Variants in CDH12 observed in about 807,000 individuals in gnomAD.
CDH12 encodes cadherin 12.
A neutral mutation model predicts 74.1 loss-of-function variants in CDH12; 41 were observed. The observed-to-expected ratio is 0.55, with a 90% CI of 0.43 to 0.72. The LOEUF is 0.72. CDH12 is among the 30% of genes least tolerant of loss of function. The pLI is 0.00. For missense variants in CDH12, 945 were observed against 977.2 expected (o/e 0.97, Z 0.44); for synonymous variants, 399 against 355.0 (o/e 1.12, Z -1.39).
intron 5 of CDH12, among the ~76,000 whole-genome samples, chr5:22,029,897 A>C (rs1292110124): frequency 6.6e-6 from 1 of 151,920 alleles, no homozygotes; most frequent in Non-Finnish European, 1.5e-5. Flanking sequence ...GATTAAGAAA[A>C]TGTGGCACAT....
intron 6 of CDH12, chr5:21,883,766 A>G (rs1306342254): frequency 1.1e-5 from 17 of 1,572,196 alleles, no homozygotes; most frequent in Non-Finnish European, 1.3e-5. Context: ...AACTGAATGA[A>G]TGGCTGGCAA....
At chr5:21,960,300 G>A (rs1429081325) in intron 6 of CDH12, among the ~76,000 whole-genome samples, 1 of 152,056 alleles carries the variant, frequency 6.6e-6, no homozygotes, top group Non-Finnish European at 1.5e-5. Context: ...CTTTTCAGTG[G>A]TCCATATGTA....
At chr5:22,042,390 T>A (rs1739635064) in intron 5 of CDH12, among the ~76,000 whole-genome samples, 1 of 151,982 alleles carries the variant, frequency 6.6e-6, no homozygotes, top group Admixed American at 6.6e-5. Context: ...TCTGACAAAC[T>A]TTTAGCCAGA....
chr5:22,650,953 G>C (rs899716438), intron 1 of CDH12, among the ~76,000 whole-genome samples: 1 of 151,962 alleles, frequency 6.6e-6, no homozygotes, highest in African/African-American at 2.4e-5. Context: ...CCATGTTGTA[G>C]GTTTTTATTG....
At chr5:22,581,208 G>A (rs1364914559) in intron 1 of CDH12, among the ~76,000 whole-genome samples, 1 of 152,222 alleles carries the variant, frequency 6.6e-6, no homozygotes, top group South Asian at 2.1e-4. Flanking sequence ...CAGGCCTGAA[G>A]GCCTAGGAGG....
intron 3 of CDH12, among the ~76,000 whole-genome samples, chr5:22,244,792 GAA>G (rs1561251342): frequency 0.16 from 20,761 of 128,812 alleles, 1,951 homozygotes; most frequent in Admixed American, 0.22. Flanking sequence ...AAGAAAGAAA[GAA>G]AGAAAGAAAA....
intron 3 of CDH12, among the ~76,000 whole-genome samples, chr5:22,258,915 G>A (rs1488190899): frequency 2.0e-5 from 3 of 152,006 alleles, no homozygotes; most frequent in African/African-American, 4.8e-5. Flanking sequence ...TTCTTAGAAC[G>A]TCTCCTGGAA....
intron 6 of CDH12, among the ~76,000 whole-genome samples, chr5:21,901,738 T>A (rs1232432603): frequency 6.6e-6 from 1 of 152,088 alleles, no homozygotes; most frequent in African/African-American, 2.4e-5. Flanking sequence ...AGCAACCAGG[T>A]GTTCTCCCTC....
chr5:22,399,736 T>C (rs1433448700), intron 3 of CDH12, among the ~76,000 whole-genome samples: 1 of 152,186 alleles, frequency 6.6e-6, no homozygotes, highest in African/African-American at 2.4e-5. Context: ...GCTCCTCCTT[T>C]TTCTAAATGC....
At chr5:22,840,909 G>A (rs911230274) in intron 1 of CDH12, among the ~76,000 whole-genome samples, 7 of 152,174 alleles carry the variant, frequency 4.6e-5, no homozygotes, top group African/African-American at 1.7e-4. Context: ...AAAGGTGGGA[G>A]TAAACCTCCT....
chr5:22,615,582 T>C (rs1232437151), intron 1 of CDH12, among the ~76,000 whole-genome samples: 1 of 152,032 alleles, frequency 6.6e-6, no homozygotes, highest in African/African-American at 2.4e-5. Flanking sequence ...TTTGTAAGAT[T>C]TAAAGGGAAA....
chr5:22,499,272 G>A (rs1010963347), intron 2 of CDH12, among the ~76,000 whole-genome samples: 7 of 152,084 alleles, frequency 4.6e-5, no homozygotes, highest in Admixed American at 1.3e-4. Context: ...AAATATCCAC[G>A]AATGTGTGGT....
intron 1 of CDH12, among the ~76,000 whole-genome samples, chr5:22,852,805 A>G (rs1161094122): frequency 6.6e-6 from 1 of 152,188 alleles, no homozygotes; most frequent in African/African-American, 2.4e-5. Flanking sequence ...TGAGGTTAAA[A>G]CATTTCTTTC....
chr5:21,880,679 CTTTCTTTCT>C (rs1561268869), intron 6 of CDH12, among the ~76,000 whole-genome samples: 28 of 110,336 alleles, frequency 2.5e-4, no homozygotes, highest in Admixed American at 5.0e-4. Context: ...TTCTTTCTTT[CTTTCTTTCT>C]TTCTCTTTTC....
intron 1 of CDH12, among the ~76,000 whole-genome samples, chr5:22,762,904 C>G (rs1167422322): frequency 6.6e-6 from 1 of 151,928 alleles, no homozygotes; most frequent in Admixed American, 6.6e-5. Flanking sequence ...ATGTCATGAA[C>G]TTTACATACT....
At chr5:22,830,376 T>A (rs1443057017) in intron 1 of CDH12, among the ~76,000 whole-genome samples, 2 of 152,152 alleles carry the variant, frequency 1.3e-5, no homozygotes, top group Non-Finnish European at 2.9e-5. Flanking sequence ...CCAATAATAA[T>A]TTCATTACAG....
intron 2 of CDH12, among the ~76,000 whole-genome samples, chr5:22,433,757 C>A (rs1441914369): frequency 6.6e-6 from 1 of 152,106 alleles, no homozygotes; most frequent in African/African-American, 2.4e-5. Context: ...GGAATTCAAA[C>A]ACAGGCAAGC....
intron 6 of CDH12, among the ~76,000 whole-genome samples, chr5:21,865,348 G>A (rs929398625): frequency 1.3e-5 from 2 of 152,098 alleles, no homozygotes; most frequent in East Asian, 1.9e-4. Context: ...AAACTAAGGG[G>A]GTGGCCAAGC....
chr5:22,044,879 G>T (rs1739825416), intron 5 of CDH12, among the ~76,000 whole-genome samples: 1 of 152,168 alleles, frequency 6.6e-6, no homozygotes, highest in African/African-American at 2.4e-5. Context: ...CAAGTCATTT[G>T]TATCAGCAAG....
Sources: allele counts gnomAD v4.1 joint callset (sites outside exome capture counted in the v4.1 genomes callset), GRCh38; gene constraint gnomAD v4.1.1; transcripts MANE v1.5; gene names NCBI Gene and HGNC (gene_info 2026-07-23, HGNC 2026-07-21).